Variants in GNA12 observed in about 807,000 individuals in gnomAD.
The protein encoded by GNA12 is G protein subunit alpha 12.
In GNA12, 9 loss-of-function variants were observed where a neutral mutation model predicts 26.0. The ratio of observed to expected loss-of-function variants is 0.35; its 90% confidence interval spans 0.21 to 0.60. GNA12 has a LOEUF of 0.60. Ranked by LOEUF, GNA12 falls within the 20% of genes least tolerant of loss-of-function variation. The pLI is 0.78. For missense variants in GNA12, 405 were observed against 525.8 expected (o/e 0.77, Z 2.25); for synonymous variants, 264 against 219.6 (o/e 1.20, Z -1.79).
At chr7:2,775,114 C>G (rs1792045002) in intron 2 of GNA12, among the ~76,000 whole-genome samples, 1 of 152,168 alleles carries the variant, frequency 6.6e-6, no homozygotes, top group Non-Finnish European at 1.5e-5. Flanking sequence ...AATACATGCA[C>G]AGAGTACCAA....
intron 3 of GNA12, 147 bp downstream of exon 3, chr7:2,733,304 G>A (rs770628291): frequency 3.3e-5 from 23 of 686,648 alleles, no homozygotes; most frequent in Admixed American, 6.5e-5. Flanking sequence ...GTGAGAGCGT[G>A]CCATTACAGT....
chr7:2,752,297 G>C (rs1791079742), intron 2 of GNA12, among the ~76,000 whole-genome samples: 1 of 152,154 alleles, frequency 6.6e-6, no homozygotes, highest in African/African-American at 2.4e-5. Flanking sequence ...TCCTCAGTTT[G>C]ATAAAGGGCA....
chr7:2,839,686 G>A lies in GNA12; in HGVS notation c.309+4167C>T, dbSNP rs1275125554. 2.6e-5 allele frequency among the ~76,000 whole-genome samples: 4 copies of A among 152,268 alleles called. No homozygotes were observed. The South Asian group carries it at 6.2e-4, about 24-fold the overall frequency. ...GGCATGAGCCATTGCACCTGGCCAT[G>A]ACATGTATGAAATGACAAAATTATC... On this transcript the variant is annotated intron_variant, in intron 1 of 3. Transcript: ENST00000275364.
chr7:2,817,515 T>G (rs1181501300), intron 1 of GNA12, among the ~76,000 whole-genome samples: 1 of 152,160 alleles, frequency 6.6e-6, no homozygotes, highest in African/African-American at 2.4e-5. Flanking sequence ...CCTCACTCAC[T>G]CTGCTCTGCC....
chr7:2,805,233 T>A (rs1253696247), intron 1 of GNA12, among the ~76,000 whole-genome samples: 3 of 152,242 alleles, frequency 2.0e-5, no homozygotes, highest in Admixed American at 6.5e-5. Context: ...TTCATGGGAC[T>A]AAGCGCCTGC....
intron 2 of GNA12, among the ~76,000 whole-genome samples, chr7:2,755,679 C>T (rs1324130731): frequency 6.6e-6 from 1 of 152,218 alleles, no homozygotes; most frequent in Admixed American, 6.5e-5. Context: ...CATCTGCCAA[C>T]AGGAACAGTC....
intron 2 of GNA12, among the ~76,000 whole-genome samples, chr7:2,750,809 G>A (rs1417435359): frequency 6.6e-6 from 1 of 152,196 alleles, no homozygotes; most frequent in East Asian, 1.9e-4. Context: ...GTTACAAAGT[G>A]AGGCCTCAGA....
intron 2 of GNA12, among the ~76,000 whole-genome samples, chr7:2,741,151 G>C (rs147669894): frequency 7.9e-4 from 121 of 152,326 alleles, no homozygotes; most frequent in Non-Finnish European, 1.4e-3. Context: ...GAGCTAGAAA[G>C]AAATTTTACA....
chr7:2,778,381 C>T (rs1030416864), intron 2 of GNA12, among the ~76,000 whole-genome samples: 1 of 152,170 alleles, frequency 6.6e-6, no homozygotes, highest in African/African-American at 2.4e-5. Flanking sequence ...TTGCATCAGC[C>T]CATCTGTGCC....
At chr7:2,753,787 T>A (rs958767632) in intron 2 of GNA12, among the ~76,000 whole-genome samples, 1 of 152,190 alleles carries the variant, frequency 6.6e-6, no homozygotes, top group Non-Finnish European at 1.5e-5. Flanking sequence ...AATTTACTCC[T>A]GTGCCATAAG....
chr7:2,837,387 CAGA>C (rs1460987960), intron 1 of GNA12, among the ~76,000 whole-genome samples: 7 of 152,284 alleles, frequency 4.6e-5, no homozygotes, highest in Admixed American at 2.0e-4. Context: ...GTCAGAGTCC[CAGA>C]AGGAGATGAG....
chr7:2,833,516 A>G (rs1414434333), intron 1 of GNA12, among the ~76,000 whole-genome samples: 1 of 152,194 alleles, frequency 6.6e-6, no homozygotes, highest in Non-Finnish European at 1.5e-5. Context: ...AAGATAATCA[A>G]CATGTAAACT....
intron 2 of GNA12, chr7:2,794,668 C>A: frequency 2.0e-6 from 1 of 496,378 alleles, no homozygotes. Flanking sequence ...TGTGCCAATG[C>A]TGATGATTCT....
chr7:2,814,567 G>A (rs974834197), intron 1 of GNA12, among the ~76,000 whole-genome samples: 4 of 151,538 alleles, frequency 2.6e-5, no homozygotes, highest in Admixed American at 1.3e-4. Context: ...TTCTCAGTGC[G>A]GCCTTACTGG....
intron 1 of GNA12, among the ~76,000 whole-genome samples, chr7:2,813,730 G>C (rs1429651099): frequency 6.6e-6 from 1 of 152,162 alleles, no homozygotes; most frequent in Non-Finnish European, 1.5e-5. Flanking sequence ...GGGAATCTGG[G>C]GCCACGCCTA....
At chr7:2,762,804 G>A in intron 2 of GNA12, 2 of 1,531,678 alleles carry the variant, frequency 1.3e-6, no homozygotes, top group Non-Finnish European at 8.8e-7. Flanking sequence ...GGAGCACTCA[G>A]GGCGGCCTCC....
intron 2 of GNA12, chr7:2,762,744 G>A (rs1303099154): frequency 2.6e-6 from 4 of 1,554,136 alleles, no homozygotes; most frequent in Non-Finnish European, 3.5e-6. Flanking sequence ...CCCTCCCGCA[G>A]GAAGTGCACC....
At chr7:2,752,206 A>G (rs1447317398) in intron 2 of GNA12, among the ~76,000 whole-genome samples, 1 of 152,224 alleles carries the variant, frequency 6.6e-6, no homozygotes, top group African/African-American at 2.4e-5. Context: ...TAGATGCAGA[A>G]AAAAAGCATG....
chr7:2,836,017 G>A lies in GNA12; in HGVS notation c.309+7836C>T, dbSNP rs1247755985. 2.4e-5 allele frequency: 8 copies of A among 335,950 alleles called. No individual in the cohort carries two copies. In the South Asian group the frequency reaches 3.1e-4, roughly 13 times the overall value. The allele number at this position is 335,950 out of a possible 1,614,324, so 20.8% of individuals were successfully genotyped here. On this transcript the variant is annotated intron_variant, in intron 1 of 3. Coordinates refer to ENST00000275364, the MANE Select transcript of GNA12 (RefSeq NM_007353.3). Reference sequence around the variant, plus strand: ...GAGCAGCATAAACCTTGAAGCTGATGAAAGTTAAACATTTTATAATACTTA... The same window carrying A: ...GAGCAGCATAAACCTTGAAGCTGATAAAAGTTAAACATTTTATAATACTTA...
Sources: allele counts gnomAD v4.1 joint callset (sites outside exome capture counted in the v4.1 genomes callset), GRCh38; gene constraint gnomAD v4.1.1; transcripts MANE v1.5; gene names NCBI Gene and HGNC (gene_info 2026-07-23, HGNC 2026-07-21).